Variants in PRDM16 observed in about 807,000 individuals in gnomAD.
The protein encoded by PRDM16 is histone-lysine N-methyltransferase PRDM16.
A neutral mutation model predicts 110.6 loss-of-function variants in PRDM16; 23 were observed. The observed-to-expected ratio is 0.21, with a 90% CI of 0.15 to 0.29. The LOEUF (loss-of-function observed/expected upper bound fraction) is 0.29, where lower values mean the gene tolerates loss of function less well. PRDM16 is among the 10% of genes least tolerant of loss of function. The probability of loss-of-function intolerance (pLI) is 1.00; values close to 1 mark genes in which losing one functional copy is unlikely to be tolerated. For synonymous variants in PRDM16, 799 were observed against 781.8 expected, an observed-to-expected ratio of 1.02 and a Z score of -0.37; for missense variants, 1,615 against 1,794.3, an observed-to-expected ratio of 0.90 and a Z score of 1.81.
intron 12 of PRDM16, among the ~76,000 whole-genome samples, chr1:3,421,978 G>T (rs9661230): frequency 7.4e-6 from 1 of 135,454 alleles, no homozygotes; most frequent in African/African-American, 2.9e-5. Flanking sequence ...ACAGGCAGGC[G>T]GACAGACAGG....
At chr1:3,241,167 G>T (rs1639665833) in intron 2 of PRDM16, among the ~76,000 whole-genome samples, 2 of 152,266 alleles carry the variant, frequency 1.3e-5, no homozygotes, top group African/African-American at 2.4e-5. Context: ...GCCCAGGCGG[G>T]CGGTGAGATG....
rs904611382 is a variant in PRDM16, at chr1:3,243,663, C to T, written c.388-424C>T. Among the ~76,000 whole-genome samples the T allele has an allele frequency of 1.3e-5, 2 of 152,222 alleles. No homozygotes were observed. Among genetic ancestry groups the T allele is most frequent in the African/African-American group, 2.4e-5 (1 of 41,456 alleles). On this transcript the variant is annotated intron_variant, in intron 2 of 16. Transcript: ENST00000270722. The surrounding 1 kb of genome is among the most constrained non-coding windows in gnomAD (Gnocchi z 5.5). ...TCTAAATACACGTGGTGTGATTCGC[C>T]GGCGGAACTTGGAGGAAACACAAAT... is the stretch of plus-strand genomic sequence containing the variant.
chr1:3,404,726 G>C lies in PRDM16; in HGVS notation c.885-13G>C. The C allele has an allele frequency of 2.5e-6, 4 of 1,612,762 alleles. No homozygotes were observed. Among genetic ancestry groups the C allele is most frequent in the Non-Finnish European group, 3.4e-6 (4 of 1,179,806 alleles). On this transcript the variant is annotated splice_polypyrimidine_tract_variant and intron_variant, in intron 6 of 16. Transcript: ENST00000270722. ...GTAGTCGGGCCCCGCAGTGAGCCTC[G>C]TCCTCTGCGCAGCCTGGAGCAGCAC... is the stretch of plus-strand genomic sequence containing the variant.
chr1:3,288,102 T>C (rs909225229), intron 3 of PRDM16, among the ~76,000 whole-genome samples: 5 of 152,176 alleles, frequency 3.3e-5, no homozygotes, highest in Admixed American at 3.3e-4. Context: ...TGCCCGGCCA[T>C]AGGAGTCTGT....
At chr1:3,200,188 G>A (rs960937490) in intron 2 of PRDM16, among the ~76,000 whole-genome samples, 3 of 152,208 alleles carry the variant, frequency 2.0e-5, no homozygotes, top group African/African-American at 4.8e-5. Context: ...CCTCACAGCC[G>A]CTGAGTCAAG....
intron 1 of PRDM16, among the ~76,000 whole-genome samples, chr1:3,177,877 C>T (rs74850540): frequency 0.027 from 4,137 of 152,300 alleles, 208 homozygotes; most frequent in African/African-American, 0.094. Flanking sequence ...TGAATGCAAC[C>T]TCAGGCGTTC....
intron 2 of PRDM16, among the ~76,000 whole-genome samples, chr1:3,224,059 C>T (rs982810794): frequency 7.2e-5 from 11 of 152,102 alleles, no homozygotes; most frequent in Non-Finnish European, 1.3e-4. Flanking sequence ...GGTAAAGAGG[C>T]GGCCATACAT....
At chr1:3,377,640 A>T (rs1415169055) in intron 3 of PRDM16, among the ~76,000 whole-genome samples, 1 of 152,106 alleles carries the variant, frequency 6.6e-6, no homozygotes, top group Non-Finnish European at 1.5e-5. Flanking sequence ...CTCACCCCCA[A>T]ACAACTCAAA....
In PRDM16 at chr1:3,098,639, C is replaced by T. The variant is rs566855572; in HGVS notation, c.37+29343C>T. 7.4e-4 allele frequency among the ~76,000 whole-genome samples: 112 copies of T among 152,342 alleles called. 1 individual carries two copies. The highest frequency in any genetic ancestry group is 2.6e-3 in the African/African-American group (107 of 41,574). On this transcript the variant is annotated intron_variant, in intron 1 of 16. Coordinates refer to ENST00000270722, the MANE Select transcript of PRDM16 (RefSeq NM_022114.4). ...GAGCGTGGCCACTGCACTGGACCCC[C>T]GCCTTCTAAAATGCCTCAGTTTCTC...
Position 3,353,411 on chromosome 1 carries a change from G to A in PRDM16, c.439-31741G>A, listed in dbSNP as rs992017942. On this transcript the variant is annotated intron_variant, in intron 3 of 16. Transcript: ENST00000270722. This position sits in a 1 kb window ranked among gnomAD's most constrained non-coding sequence, Gnocchi z 5.4. The stretch of plus-strand genomic sequence containing the variant: ...CACATCTGAAATTGGACCCGAATGC[G>A]CATGGGGACACCATCCTGCAGCCTC... Among the ~76,000 whole-genome samples the A allele has an allele frequency of 6.6e-6, 1 of 152,198 alleles. No individual in the cohort carries two copies. Among genetic ancestry groups the A allele is most frequent in the East Asian group, 1.9e-4 (1 of 5,176 alleles).
chr1:3,241,721 C>T (rs558323095), intron 2 of PRDM16, among the ~76,000 whole-genome samples: 1 of 152,362 alleles, frequency 6.6e-6, no homozygotes, highest in Admixed American at 6.5e-5. Flanking sequence ...GGCATTCCAT[C>T]CCACCCGGAC....
intron 1 of PRDM16, among the ~76,000 whole-genome samples, chr1:3,150,011 C>G (rs1798251): frequency 2.0e-4 from 31 of 152,212 alleles, no homozygotes; most frequent in African/African-American, 6.8e-4. Flanking sequence ...TGGACACTGG[C>G]TGGGGCGTGT....
intron 1 of PRDM16, among the ~76,000 whole-genome samples, chr1:3,137,247 C>A (rs529835448): frequency 2.6e-5 from 4 of 152,234 alleles, no homozygotes; most frequent in African/African-American, 9.6e-5. Context: ...GGCAGCTGAG[C>A]TCTTCTCCCC....
chr1:3,431,693 C>T (rs905098060), intron 15 of PRDM16, among the ~76,000 whole-genome samples: 1 of 152,124 alleles, frequency 6.6e-6, no homozygotes, highest in African/African-American at 2.4e-5. Flanking sequence ...CCTTCTTCTC[C>T]ACCCTCCACT....
At chr1:3,329,743 C>T (rs995178197) in intron 3 of PRDM16, among the ~76,000 whole-genome samples, 1 of 152,238 alleles carries the variant, frequency 6.6e-6, no homozygotes, top group Non-Finnish European at 1.5e-5. Flanking sequence ...GGAGAGTGGG[C>T]AGGGGCACCC....
chr1:3,122,429 C>T lies in PRDM16; in HGVS notation c.37+53133C>T, dbSNP rs567243887. 2.6e-5 allele frequency among the ~76,000 whole-genome samples: 4 copies of T among 152,244 alleles called. No individual in the cohort carries two copies. In the South Asian group the frequency reaches 8.3e-4, roughly 32 times the overall value. ...ATCCCATCAGAGGCTTTGAGTCTGT[C>T]ACAAACCTGAAGCAATGTCTCTTCA... On this transcript the variant is annotated intron_variant, in intron 1 of 16. Transcript: ENST00000270722.
rs573320100 is a variant in PRDM16 at position 3,294,193 on chromosome 1, C to T, written c.438+50056C>T. 9.9e-5 allele frequency among the ~76,000 whole-genome samples: 15 copies of T among 151,692 alleles called. No homozygotes were observed. The South Asian group carries it at 3.1e-3, about 32-fold the overall frequency. On this transcript the variant is annotated intron_variant, in intron 3 of 16. Coordinates refer to ENST00000270722, the MANE Select transcript of PRDM16 (RefSeq NM_022114.4). Reference sequence around the variant, plus strand: ...GTAAACAGGCGAAACCTAGAACCTGCCTACCAGGTAAACAGGCAAAATCTT... The same window carrying T: ...GTAAACAGGCGAAACCTAGAACCTGTCTACCAGGTAAACAGGCAAAATCTT...
In PRDM16 at chr1:3,239,940, G is replaced by A. The variant is rs202067566; in HGVS notation, c.388-4147G>A. On this transcript the variant is annotated intron_variant, in intron 2 of 16. Coordinates refer to ENST00000270722, the MANE Select transcript of PRDM16 (RefSeq NM_022114.4). ...TCTAGCCTGGAGGCTGGGGGTGGGC[G>A]GGGAGAGAGAGAGAGAAGAAAAGTA... Among the ~76,000 whole-genome samples, 19 of 151,344 alleles carry A rather than the reference G, an allele frequency of 1.3e-4. 1 individual carries two copies. In the East Asian group the frequency reaches 2.1e-3, roughly 17 times the overall value.
chr1:3,215,471 G>A (rs1557534913), intron 2 of PRDM16, among the ~76,000 whole-genome samples: 1 of 152,240 alleles, frequency 6.6e-6, no homozygotes, highest in Non-Finnish European at 1.5e-5. Flanking sequence ...ATGGGTGGAG[G>A]CGGGAGAGAG....
Sources: gnomAD v4.1 joint callset for allele counts (sites outside exome capture counted in the v4.1 genomes callset) on GRCh38, gnomAD v4.1.1 for gene constraint, Gnocchi (gnomAD v3.1) non-coding constraint, MANE v1.5 for transcripts, NCBI Gene and HGNC (gene_info 2026-07-23, HGNC 2026-07-21) for gene names.